The following SCUBE3 variants were observed in gnomAD, a reference collection of about 807,000 sequenced individuals.
SCUBE3 encodes the protein signal peptide, CUB domain and EGF like domain containing 3, also known as signal peptide, CUB and EGF-like domain-containing protein 3.
SCUBE3 carries 33 observed loss-of-function variants against 116.8 expected under a neutral mutation model. The ratio of observed to expected loss-of-function variants is 0.28; its 90% CI spans 0.21 to 0.38. SCUBE3 has a LOEUF of 0.38. SCUBE3 is among the 10% of genes least tolerant of loss of function. SCUBE3 has a pLI of 1.00. For missense variants in SCUBE3, 1,007 were observed against 1,324.8 expected (o/e 0.76, Z 3.72); for synonymous variants, 418 against 496.9 (o/e 0.84, Z 2.11).
intron 1 of SCUBE3, chr6:35,220,648 AGGGTCCCCAGT>A (rs1269491742): frequency 6.6e-6 from 1 of 152,244 alleles, no homozygotes; most frequent in Non-Finnish European, 1.5e-5. Flanking sequence ...GAAACTCATC[AGGGTCCCCAGT>A]AAGTGACAAG....
chr6:35,235,367 G>A lies in SCUBE3; in HGVS notation c.712+2066G>A. The A allele has an allele frequency of 1.7e-6, 1 of 599,844 alleles. No homozygotes were observed. Among genetic ancestry groups the A allele is most frequent in the Non-Finnish European group, 2.8e-6 (1 of 358,718 alleles). The allele number at this position is 599,844 out of a possible 1,614,324, so 37.2% of individuals were successfully genotyped here. On this transcript the variant is annotated intron_variant, in intron 6 of 21. Coordinates refer to ENST00000274938, the MANE Select transcript of SCUBE3 (RefSeq NM_152753.4). The surrounding 1 kb of genome is among the most constrained non-coding windows in gnomAD (Gnocchi z 4.5). ...TTTGGGCTGGCAGTGGGGAGGAGAG[G>A]GTGGGGAGGGGTCCGGGGCCAGAGG...
chr6:35,231,771 T>G lies in SCUBE3; in HGVS notation c.381T>G (p.Cys127Trp). 1 of 1,613,696 alleles carries G rather than the reference T, an allele frequency of 6.2e-7. No homozygotes were observed. Among genetic ancestry groups the G allele is most frequent in the Non-Finnish European group, 8.5e-7 (1 of 1,179,664 alleles). ...GCAACGGCGGCTGTCAGCAGAGCTG[T>G]GTCAACATGATGGGCAGCTATGAGT... ...AEGNGGCQQS[C>W]VNMMGSYECH... The change falls in exon 4 of 22, where the codon TGT becomes TGG. Residue 127 changes from cysteine (C) to tryptophan (W), a missense_variant. Physicochemically the swap from Cys to Trp is radical, Grantham distance 215 (BLOSUM62 -2). Coordinates refer to ENST00000274938, the MANE Select transcript of SCUBE3 (RefSeq NM_152753.4). This position sits in a 1 kb window ranked among gnomAD's most constrained non-coding sequence, Gnocchi z 4.2.
At chr6:35,246,183 C>G in intron 20 of SCUBE3, 23 bp from the exon 21 acceptor site, 5 of 1,613,424 alleles carry the variant, frequency 3.1e-6, no homozygotes, top group Non-Finnish European at 4.2e-6. Context: ...CCCCTGAGCC[C>G]CTCACCTTGG....
intron 21 of SCUBE3, among the ~76,000 whole-genome samples, chr6:35,247,320 C>A (rs1784383535): frequency 6.6e-6 from 1 of 151,832 alleles, no homozygotes; most frequent in African/African-American, 2.4e-5. Context: ...CGCCTGCAAT[C>A]CCAGCTACTC....
chr6:35,223,732 T>C (rs1783202673), intron 1 of SCUBE3: 1 of 152,202 alleles, frequency 6.6e-6, no homozygotes, highest in Non-Finnish European at 1.5e-5. Flanking sequence ...AAGATGAGAC[T>C]GTGCTGTGAG....
chr6:35,249,628 C>T lies in SCUBE3; in HGVS notation c.*923C>T, dbSNP rs1288130999. Reference sequence around the variant, plus strand: ...ACCTCCTCAGCCCCATGTGATGCTCCCTGGGGGAGCCCTACTCCCCTTGCT... The same window carrying T: ...ACCTCCTCAGCCCCATGTGATGCTCTCTGGGGGAGCCCTACTCCCCTTGCT... On this transcript the variant is annotated 3_prime_UTR_variant, in exon 22 of 22. Transcript: ENST00000274938. 6.6e-6 allele frequency: 1 copy of T among 152,478 alleles called. No individual in the cohort carries two copies. Among genetic ancestry groups the T allele is most frequent in the African/African-American group, 2.4e-5 (1 of 41,460 alleles). 9.4% of individuals were successfully genotyped at this position (152,478 alleles called of 1,614,324 possible). A position where few individuals can be genotyped will look rare whatever the true frequency, so the allele number is the denominator to read the frequency against.
intron 21 of SCUBE3, among the ~76,000 whole-genome samples, chr6:35,247,945 C>A (rs1351444901): frequency 6.6e-6 from 1 of 152,190 alleles, no homozygotes; most frequent in Non-Finnish European, 1.5e-5. Flanking sequence ...AGGAGCATTC[C>A]AAGCTAAGGA....
intron 1 of SCUBE3, among the ~76,000 whole-genome samples, chr6:35,225,993 G>A (rs1034655618): frequency 1.3e-5 from 2 of 152,164 alleles, no homozygotes; most frequent in African/African-American, 2.4e-5. Context: ...CTCCCATTCA[G>A]TGATCACTCA....
rs766308500 is a variant in SCUBE3, at chr6:35,214,479, G to A, written c.61G>A (p.Ala21Thr). ...TGTCCTGCTGGTCCACGCCCGCGCCGCCCAGTACAGCAAAGCCGCGCAAGG... is the reference window on the plus strand; with the variant it reads ...TGTCCTGCTGGTCCACGCCCGCGCCACCCAGTACAGCAAAGCCGCGCAAGG... ...LLVLLVHARA[A>T]QYSKAAQDVD... Residue 21 changes from alanine (A) to threonine (T), a missense_variant, in exon 1 of 22, where the codon GCC becomes ACC. Physicochemically the swap from Ala to Thr is moderately conservative, Grantham distance 58 (BLOSUM62 0). Around this residue, in one of 5 missense-constraint regions of SCUBE3, gnomAD observed 94 missense variants for 92.0 expected, o/e 1.02. Coordinates refer to ENST00000274938, the MANE Select transcript of SCUBE3 (RefSeq NM_152753.4). The surrounding 1 kb of genome is among the most constrained non-coding windows in gnomAD (Gnocchi z 6.3). The A allele has an allele frequency of 1.5e-5, 22 of 1,503,468 alleles. No individual in the cohort carries two copies. The highest frequency in any genetic ancestry group is 2.8e-5 in the East Asian group (1 of 35,816). The allele number at this position is 1,503,468 out of a possible 1,614,324, so 93.1% of individuals were successfully genotyped here. A position where few individuals can be genotyped will look rare whatever the true frequency, so the allele number is the denominator to read the frequency against.
rs764403300 is a variant in SCUBE3 at position 35,227,693 on chromosome 6, C to A, written c.199C>A (p.His67Asn). The A allele has an allele frequency of 1.7e-5, 27 of 1,614,018 alleles. No homozygotes were observed. The highest frequency in any genetic ancestry group is 1.6e-4 in the Middle Eastern group (1 of 6,084). Reference sequence around the variant, plus strand: ...GTCTGGCTACACAGGGGACGGCAAACACTGCAAAGGTGAGGCTGGAAGGGC... The same window carrying A: ...GTCTGGCTACACAGGGGACGGCAAAAACTGCAAAGGTGAGGCTGGAAGGGC... ...CKSGYTGDGK[H>N]CKDVDECERE... Residue 67 changes from histidine to asparagine, a missense_variant, in exon 2 of 22, where the codon CAC (histidine) becomes AAC (asparagine). Transcript: ENST00000274938.
In SCUBE3 at chr6:35,239,849, TCTC is replaced by T; in HGVS notation, c.928_930del (p.Leu310del). The T allele has an allele frequency of 6.2e-7, 1 of 1,608,492 alleles. No individual in the cohort carries two copies. The highest frequency in any genetic ancestry group is 8.5e-7 in the Non-Finnish European group (1 of 1,178,378). On this transcript the variant is annotated inframe_deletion, in exon 8 of 22. Transcript: ENST00000274938. The surrounding 1 kb of genome is among the most constrained non-coding windows in gnomAD (Gnocchi z 4.1). ...GCAGTTGCAAGAAAGGCTATAAGCT[TCTC>T]ATCAATGAGAGGAACTGCCAGGGTG...
chr6:35,225,387 C>T (rs1783285875), intron 1 of SCUBE3, among the ~76,000 whole-genome samples: 1 of 152,230 alleles, frequency 6.6e-6, no homozygotes, highest in African/African-American at 2.4e-5. Flanking sequence ...GTTGGACAAA[C>T]TGATTCTCCA....
At chr6:35,238,144 T>C in intron 7 of SCUBE3, 126 bp downstream of exon 7, 1 of 572,812 alleles carries the variant, frequency 1.7e-6, no homozygotes, top group South Asian at 2.5e-5. Flanking sequence ...ACCCAGGACA[T>C]AGCTAAGGGT....
At chr6:35,217,228 GGGGGGGGGCGGGGGGGAGGCGCGGC>G (rs1270875756) in intron 1 of SCUBE3, among the ~76,000 whole-genome samples, 11 of 15,488 alleles carry the variant, frequency 7.1e-4, no homozygotes, top group African/African-American at 1.4e-3. Flanking sequence ...TTGGCGGGGG[GGGGGGGGGCGGGGGGGAGGCGCGGC>G]GGGGGGGGGG....
rs955492143 is a variant in SCUBE3, at chr6:35,214,996, AG to A, written c.85+494del. ...TGCCTTATCAGTGGAAAAATGTTGAAGAAAAATAGGATCTTTTATGGAAAAA... is the reference window on the plus strand; with the variant it reads ...TGCCTTATCAGTGGAAAAATGTTGAAAAAAATAGGATCTTTTATGGAAAAA... On this transcript the variant is annotated intron_variant, in intron 1 of 21. Coordinates refer to ENST00000274938, the MANE Select transcript of SCUBE3 (RefSeq NM_152753.4). This position sits in a 1 kb window ranked among gnomAD's most constrained non-coding sequence, Gnocchi z 6.3. Among the ~76,000 whole-genome samples the A allele has an allele frequency of 6.6e-6, 1 of 152,214 alleles. No homozygotes were observed. The highest frequency in any genetic ancestry group is 2.4e-5 in the African/African-American group (1 of 41,450).
rs1364010312 is a variant in SCUBE3, at chr6:35,214,321, C to T, written c.-98C>T. 2 of 680,778 alleles carry T rather than the reference C, an allele frequency of 2.9e-6. No individual in the cohort carries two copies. The highest frequency in any genetic ancestry group is 3.8e-5 in the African/African-American group (2 of 52,732). 42.2% of individuals were successfully genotyped at this position (680,778 alleles called of 1,614,324 possible). A position where few individuals can be genotyped will look rare whatever the true frequency, so the allele number is the denominator to read the frequency against. ...CCGGCCTGGCCCCGGCGGGGCGCCC[C>T]CTCCCCTCCCCCTCCTGCGAGCTGG... is the stretch of plus-strand genomic sequence containing the variant. On this transcript the variant is annotated 5_prime_UTR_variant, in exon 1 of 22. Transcript: ENST00000274938. This position sits in a 1 kb window ranked among gnomAD's most constrained non-coding sequence, Gnocchi z 6.3.
rs1328352476 is a variant in SCUBE3, at chr6:35,232,918, A to T, written c.538A>T (p.Ile180Phe). 1 of 1,614,150 alleles carries T rather than the reference A, an allele frequency of 6.2e-7. No individual in the cohort carries two copies. Among genetic ancestry groups the T allele is most frequent in the African/African-American group, 1.3e-5 (1 of 75,042 alleles). Residue 180 changes from isoleucine to phenylalanine, a missense_variant, in exon 5 of 22, where the codon ATT becomes TTT. By Grantham distance (21) the Ile-to-Phe change is conservative. This residue lies in a region of SCUBE3 where 214 missense variants were observed against 316.7 expected (regional missense o/e 0.68). Coordinates refer to ENST00000274938, the MANE Select transcript of SCUBE3 (RefSeq NM_152753.4). This position sits in a 1 kb window ranked among gnomAD's most constrained non-coding sequence, Gnocchi z 4.2. ...HICRETPKGG[I>F]ACECRPGFEL... is the part of the protein sequence containing the mutation. ...TTGCCGGGAGACACCCAAGGGGGGT[A>T]TTGCCTGTGAATGCCGTCCTGGCTT...
intron 1 of SCUBE3, among the ~76,000 whole-genome samples, chr6:35,226,668 A>C (rs1306141642): frequency 6.6e-6 from 1 of 151,842 alleles, no homozygotes; most frequent in Non-Finnish European, 1.5e-5. Flanking sequence ...TTTTTAGTAG[A>C]GATGGGGTTT....
rs1047453332 is a variant in SCUBE3, at chr6:35,245,052, G to A, written c.2402-176G>A. On this transcript the variant is annotated intron_variant, in intron 18 of 21. Coordinates refer to ENST00000274938, the MANE Select transcript of SCUBE3 (RefSeq NM_152753.4). This position sits in a 1 kb window ranked among gnomAD's most constrained non-coding sequence, Gnocchi z 4.2. ...AGAGACAGGTGAAGTGAGAAGAGAA[G>A]GTACTAAAAGGGCAGGAAGGAAGAT... Among the ~76,000 whole-genome samples, 6 of 152,140 alleles carry A rather than the reference G, an allele frequency of 3.9e-5. No individual in the cohort carries two copies. The highest frequency in any genetic ancestry group is 1.3e-4 in the Admixed American group (2 of 15,276).
Sources: allele counts gnomAD v4.1 joint callset (sites outside exome capture counted in the v4.1 genomes callset), GRCh38; gene constraint gnomAD v4.1.1; regional missense constraint gnomAD v4.1.1; non-coding constraint Gnocchi (gnomAD v3.1); transcripts MANE v1.5; gene names NCBI Gene and HGNC (gene_info 2026-07-23, HGNC 2026-07-21).